Variants in LGMN observed in about 807,000 individuals in gnomAD.
LGMN encodes legumain.
LGMN carries 36 observed loss-of-function variants against 56.8 expected under a neutral mutation model. The observed-to-expected ratio is 0.63, with a 90% CI of 0.49 to 0.84. The LOEUF (loss-of-function observed/expected upper bound fraction) is 0.84. Ranked by LOEUF, LGMN falls within the 40% of genes least tolerant of loss-of-function variation. The probability of loss-of-function intolerance (pLI) is 0.00; values close to 1 mark genes in which losing one functional copy is unlikely to be tolerated. For synonymous variants in LGMN, 199 were observed against 210.1 expected, an observed-to-expected ratio of 0.95 and a Z score of 0.46; for missense variants, 446 against 556.1, an observed-to-expected ratio of 0.80 and a Z score of 1.99.
intron 2 of LGMN, among the ~76,000 whole-genome samples, chr14:92,722,089 G>A (rs1890504791): frequency 6.6e-6 from 1 of 151,794 alleles, no homozygotes; most frequent in Non-Finnish European, 1.5e-5. Flanking sequence ...TAAAGCAAAG[G>A]AATGAATGAC....
chr14:92,740,298 G>A (rs893847583), intron 1 of LGMN, among the ~76,000 whole-genome samples: 4 of 152,142 alleles, frequency 2.6e-5, no homozygotes, highest in Non-Finnish European at 5.9e-5. Flanking sequence ...GATGTGTTGC[G>A]GAGTGGCACA....
intron 2 of LGMN, among the ~76,000 whole-genome samples, chr14:92,721,466 A>G (rs967262244): frequency 1.3e-5 from 2 of 152,230 alleles, no homozygotes; most frequent in Admixed American, 6.5e-5. Flanking sequence ...CAGAACTGTA[A>G]GATAATAAAT....
At chr14:92,736,985 A>C (rs1161335274) in intron 1 of LGMN, among the ~76,000 whole-genome samples, 1 of 152,174 alleles carries the variant, frequency 6.6e-6, no homozygotes, top group Non-Finnish European at 1.5e-5. Context: ...GACAGTCACT[A>C]CCAAGGTGTT....
chr14:92,742,476 T>C lies in LGMN; in HGVS notation c.-30+6013A>G, dbSNP rs541053281. ...CCATGCCAGCTAATTTTTGTATTTT[T>C]AGGTTTTGCCATGTTGGCCAGGCTG... On this transcript the variant is annotated intron_variant, in intron 1 of 13. Coordinates refer to ENST00000334869, the MANE Select transcript of LGMN (RefSeq NM_005606.7). 1.1e-3 allele frequency among the ~76,000 whole-genome samples: 172 copies of C among 152,112 alleles called. 1 individual carries two copies. Among genetic ancestry groups the C allele is most frequent in the African/African-American group, 3.8e-3 (158 of 41,512 alleles).
intron 2 of LGMN, among the ~76,000 whole-genome samples, 184 bp from the exon 3 acceptor site, chr14:92,719,028 A>G (rs1003124362): frequency 6.6e-6 from 1 of 152,082 alleles, no homozygotes; most frequent in African/African-American, 2.4e-5. Context: ...AAGATCTCCC[A>G]TCCATCCAAA....
intron 2 of LGMN, chr14:92,732,350 T>C (rs552602348): frequency 2.3e-4 from 70 of 310,040 alleles, no homozygotes; most frequent in African/African-American, 1.3e-3. Flanking sequence ...AATGACCTGG[T>C]CCCCAACTAT....
chr14:92,748,463 G>A (rs1891911092), intron 1 of LGMN, 26 bp downstream of exon 1: 1 of 153,710 alleles, frequency 6.5e-6, no homozygotes, highest in Non-Finnish European at 1.5e-5. Context: ...GACTGAACCC[G>A]GTTCTGTGCT....
chr14:92,721,684 C>G (rs1250894670), intron 2 of LGMN, among the ~76,000 whole-genome samples: 1 of 152,178 alleles, frequency 6.6e-6, no homozygotes, highest in Non-Finnish European at 1.5e-5. Flanking sequence ...CCACAGATAA[C>G]CAGAAAGTGT....
chr14:92,728,375 G>A (rs948276976), intron 2 of LGMN, among the ~76,000 whole-genome samples: 1 of 152,196 alleles, frequency 6.6e-6, no homozygotes, highest in Non-Finnish European at 1.5e-5. Flanking sequence ...AGGTGATAAT[G>A]TTTGTTATAA....
In LGMN at chr14:92,732,744, T is replaced by G; in HGVS notation, c.43A>C (p.Ile15Leu). The G allele has an allele frequency of 2.5e-6, 4 of 1,614,186 alleles. No individual in the cohort carries two copies. The highest frequency in any genetic ancestry group is 3.4e-6 in the Non-Finnish European group (4 of 1,180,034). ...GGATCATCTATAGGAACGGCACCAA[T>G]GCCCAGGGCCACACTGAGGAATACA... is the stretch of plus-strand genomic sequence containing the variant. Reference protein sequence around the residue: ...VAVFLSVALGIGAVPIDDPED... With the variant: ...VAVFLSVALGLGAVPIDDPED... The change falls in exon 2 of 14, where the codon ATT (isoleucine) becomes CTT (leucine). Residue 15 changes from isoleucine (I) to leucine (L), a missense_variant. Transcript: ENST00000334869.
chr14:92,742,080 CT>C (rs912864849), intron 1 of LGMN, among the ~76,000 whole-genome samples: 1 of 152,006 alleles, frequency 6.6e-6, no homozygotes, highest in African/African-American at 2.4e-5. Flanking sequence ...TAGTAATATT[CT>C]ATTGATGGGG....
At chr14:92,723,262 GT>G (rs1431873751) in intron 2 of LGMN, among the ~76,000 whole-genome samples, 4 of 152,000 alleles carry the variant, frequency 2.6e-5, no homozygotes, top group Non-Finnish European at 5.9e-5. Context: ...GGTCAGGCTG[GT>G]CTCAAACTCC....
At chr14:92,704,456 A>T (rs538199533) in intron 13 of LGMN, 95 bp from the exon 14 acceptor site, 1 of 1,128,906 alleles carries the variant, frequency 8.9e-7, no homozygotes, top group South Asian at 1.3e-5. Context: ...GGCAGTTATG[A>T]CAGGCCCGCC....
At chr14:92,719,159 CCACCACCACCACCACCACCACCAT>C (rs1890237017) in intron 2 of LGMN, among the ~76,000 whole-genome samples, 1 of 29,160 alleles carries the variant, frequency 3.4e-5, no homozygotes, top group African/African-American at 2.4e-4. Context: ...ACCGCCACTG[CCACCACCACCACCACCACCACCAT>C]CACCACCACC....
intron 2 of LGMN, among the ~76,000 whole-genome samples, chr14:92,719,151 C>T (rs1467010492): frequency 1.5e-4 from 16 of 108,360 alleles, no homozygotes; most frequent in South Asian, 3.6e-4. Context: ...CCACCACCAC[C>T]GCCACTGCCA....
chr14:92,715,807 A>G (rs1890044292), intron 5 of LGMN: 1 of 190,542 alleles, frequency 5.2e-6, no homozygotes. Flanking sequence ...AGGGATTCAG[A>G]TTCACACCTG....
intron 2 of LGMN, among the ~76,000 whole-genome samples, chr14:92,722,530 G>A (rs1890529736): frequency 6.7e-6 from 1 of 149,462 alleles, no homozygotes; most frequent in Admixed American, 6.6e-5. Context: ...GTTGCAGTGA[G>A]CCGAGATTAC....
chr14:92,709,256 C>T (rs1889608472), intron 11 of LGMN, among the ~76,000 whole-genome samples: 1 of 152,146 alleles, frequency 6.6e-6, no homozygotes, highest in Non-Finnish European at 1.5e-5. Context: ...CCTCCTGCCT[C>T]AGCCCCCTAA....
chr14:92,746,295 G>T (rs577377855), intron 1 of LGMN, among the ~76,000 whole-genome samples: 1 of 152,210 alleles, frequency 6.6e-6, no homozygotes, highest in African/African-American at 2.4e-5. Context: ...GATACCCTCA[G>T]TACATGTGAC....
Sources: gnomAD v4.1 joint callset for allele counts (sites outside exome capture counted in the v4.1 genomes callset) on GRCh38, gnomAD v4.1.1 for gene constraint, MANE v1.5 for transcripts, NCBI Gene and HGNC (gene_info 2026-07-23, HGNC 2026-07-21) for gene names.